The following DMTF1 variants were observed in gnomAD, a reference collection of about 807,000 sequenced individuals.
The protein encoded by DMTF1 is cyclin-D-binding Myb-like transcription factor 1.
Under a neutral mutation model 91.1 loss-of-function variants are expected in DMTF1, and 39 were observed. The observed-to-expected ratio is 0.43, with a 90% CI of 0.33 to 0.56. DMTF1 has a LOEUF of 0.56. Among genes scored for constraint, DMTF1 ranks in the 20% least tolerant of loss-of-function variants. The pLI is 0.05. For missense variants in DMTF1, 750 were observed against 914.5 expected, an observed-to-expected ratio of 0.82 and a Z score of 2.32; for synonymous variants, 338 against 309.5, an observed-to-expected ratio of 1.09 and a Z score of -0.97.
chr7:87,170,827 AG>A (rs1296077490), intron 4 of DMTF1, among the ~76,000 whole-genome samples, 167 bp from the exon 5 acceptor site: 2 of 152,248 alleles, frequency 1.3e-5, no homozygotes, highest in Admixed American at 1.3e-4. Flanking sequence ...ACTATGAATT[AG>A]GTGCACATTA....
intron 7 of DMTF1, among the ~76,000 whole-genome samples, chr7:87,175,544 C>A (rs1236432565): frequency 1.3e-5 from 2 of 152,092 alleles, no homozygotes; most frequent in South Asian, 4.1e-4. Context: ...TTTGGGCAGA[C>A]TGGAAACAGG....
At chr7:87,189,967 A>T (rs1799370064) in intron 13 of DMTF1, among the ~76,000 whole-genome samples, 1 of 152,134 alleles carries the variant, frequency 6.6e-6, no homozygotes, top group South Asian at 2.1e-4. Context: ...TGGTAAGGGC[A>T]TTAGATTCCT....
chr7:87,172,995 G>A (rs1228990224), intron 5 of DMTF1, among the ~76,000 whole-genome samples: 1 of 152,198 alleles, frequency 6.6e-6, no homozygotes, highest in African/African-American at 2.4e-5. Context: ...AGCGGACAGT[G>A]ATTTTGCAAT....
intron 7 of DMTF1, among the ~76,000 whole-genome samples, chr7:87,176,841 C>T (rs1334584505): frequency 6.6e-6 from 1 of 152,102 alleles, no homozygotes; most frequent in African/African-American, 2.4e-5. Context: ...TTTTAAACTT[C>T]AGAGAATTCG....
At chr7:87,175,678 T>C (rs187397426) in intron 7 of DMTF1, among the ~76,000 whole-genome samples, 1 of 152,282 alleles carries the variant, frequency 6.6e-6, no homozygotes, top group Admixed American at 6.5e-5. Context: ...TTGAGCTGTC[T>C]TAAAGGATAG....
Position 87,188,176 on chromosome 7 carries a change from C to G in DMTF1, c.1286C>G (p.Pro429Arg). 1 of 1,613,934 alleles carries G rather than the reference C, an allele frequency of 6.2e-7. No homozygotes were observed. Among genetic ancestry groups the G allele is most frequent in the Non-Finnish European group, 8.5e-7 (1 of 1,179,904 alleles). The change falls in exon 13 of 18, where the codon CCA becomes CGA. Residue 429 changes from proline (P) to arginine (R), a missense_variant. Pro to Arg is a moderately radical substitution (Grantham distance 103). Coordinates refer to ENST00000331242, the MANE Select transcript of DMTF1 (RefSeq NM_001142327.2). ...LLENKSGSGV[P>R]NSNTNSSVQH... Reference sequence around the variant, plus strand: ...GAGAATAAATCAGGATCTGGAGTTCCAAACAGTAATACCAATTCCAGTGTG... The same window carrying G: ...GAGAATAAATCAGGATCTGGAGTTCGAAACAGTAATACCAATTCCAGTGTG...
At chr7:87,194,512 G>A (rs760845163) in intron 16 of DMTF1, 172 bp from the exon 17 acceptor site, 1 of 506,936 alleles carries the variant, frequency 2.0e-6, no homozygotes, top group Non-Finnish European at 3.5e-6. Context: ...TTTGTTAAAA[G>A]TATGTTAGAT....
At position 87,194,705 on chromosome 7, in the gene DMTF1, G is replaced by A; in HGVS notation, c.2050G>A (p.Glu684Lys). 1 of 1,608,508 alleles carries A rather than the reference G, an allele frequency of 6.2e-7. No individual in the cohort carries two copies. The highest frequency in any genetic ancestry group is 8.5e-7 in the Non-Finnish European group (1 of 1,176,138). Reference protein sequence around the residue: ...VTEGLESPTIEEQVDQTIDDE... With the variant: ...VTEGLESPTIKEQVDQTIDDE... ...TTAGGGTTTAGAGTCTCCCACTATAGAAGAACAAGTTGATCAAACAATTGA... is the reference window on the plus strand; with the variant it reads ...TTAGGGTTTAGAGTCTCCCACTATAAAAGAACAAGTTGATCAAACAATTGA... Residue 684 changes from glutamate (E) to lysine (K), a missense_variant, in exon 17 of 18, where the codon GAA becomes AAA. By Grantham distance (56) the Glu-to-Lys change is moderately conservative. Transcript: ENST00000331242.
At chr7:87,184,693 T>C (rs1236728488) in intron 11 of DMTF1, 68 bp downstream of exon 11, 2 of 1,406,340 alleles carry the variant, frequency 1.4e-6, no homozygotes, top group African/African-American at 2.8e-5. Context: ...TAGACTTTCC[T>C]CTTTTGGTTT....
chr7:87,189,543 T>A (rs1367947469), intron 13 of DMTF1, among the ~76,000 whole-genome samples: 1 of 152,146 alleles, frequency 6.6e-6, no homozygotes, highest in Non-Finnish European at 1.5e-5. Context: ...GATACCTTAA[T>A]ATTGATAGCA....
intron 4 of DMTF1, among the ~76,000 whole-genome samples, chr7:87,169,934 A>G (rs1441321376): frequency 6.6e-6 from 1 of 152,174 alleles, no homozygotes; most frequent in Non-Finnish European, 1.5e-5. Flanking sequence ...GGTTTTAAAT[A>G]CTATCTGGTG....
chr7:87,169,002 G>A (rs538365059), intron 4 of DMTF1, among the ~76,000 whole-genome samples: 50 of 152,152 alleles, frequency 3.3e-4, no homozygotes, highest in African/African-American at 1.2e-3. Context: ...CCATATATTT[G>A]TTGTCCTATC....
chr7:87,168,418 T>G (rs1794311519), intron 4 of DMTF1, among the ~76,000 whole-genome samples: 2 of 152,208 alleles, frequency 1.3e-5, no homozygotes, highest in Admixed American at 1.3e-4. Flanking sequence ...CTTTCTGTTT[T>G]CCTACCGCTA....
At chr7:87,191,705 C>G (rs1799809181) in intron 14 of DMTF1, among the ~76,000 whole-genome samples, 1 of 151,996 alleles carries the variant, frequency 6.6e-6, no homozygotes, top group Non-Finnish European at 1.5e-5. Flanking sequence ...TACTGGGCTC[C>G]CATTTATTTG....
In DMTF1 at chr7:87,173,731, G is replaced by A. The variant is rs199802696; in HGVS notation, c.442+82G>A. 23 of 733,878 alleles carry A rather than the reference G, an allele frequency of 3.1e-5. No individual in the cohort carries two copies. In the East Asian group the frequency reaches 7.0e-4, roughly 22 times the overall value. The allele number at this position is 733,878 out of a possible 1,614,324, so 45.5% of individuals were successfully genotyped here. A position where few individuals can be genotyped will look rare whatever the true frequency, so the allele number is the denominator to read the frequency against. ...CTTATAGTCATCAGGATTCTGAGTTGGACCTTCATCACTGGGATTGAGCAG... is the reference window on the plus strand; with the variant it reads ...CTTATAGTCATCAGGATTCTGAGTTAGACCTTCATCACTGGGATTGAGCAG... On this transcript the variant is annotated intron_variant, in intron 6 of 17. Transcript: ENST00000331242.
rs181426698 is a variant in DMTF1 at position 87,186,388 on chromosome 7, C to T, written c.1201+408C>T. On this transcript the variant is annotated intron_variant, in intron 12 of 17. Coordinates refer to ENST00000331242, the MANE Select transcript of DMTF1 (RefSeq NM_001142327.2). Reference sequence around the variant, plus strand: ...TCCCACCTCAGCCTCCTGAATAGCTCGGACTACAGGCACACACCACCATGT... The same window carrying T: ...TCCCACCTCAGCCTCCTGAATAGCTTGGACTACAGGCACACACCACCATGT... 97 of 162,914 alleles carry T rather than the reference C, an allele frequency of 6.0e-4. 2 individuals carry two copies. Among genetic ancestry groups the T allele is most frequent in the Non-Finnish European group, 6.7e-5 (5 of 74,780 alleles). 10.1% of individuals were successfully genotyped at this position (162,914 alleles called of 1,614,324 possible).
intron 1 of DMTF1, among the ~76,000 whole-genome samples, chr7:87,153,262 C>A (rs188674034): frequency 1.0e-3 from 152 of 152,174 alleles, no homozygotes; most frequent in African/African-American, 3.5e-3. Context: ...TGGGCTGGGG[C>A]GCGGGGACAG....
chr7:87,194,875 A>C, intron 17 of DMTF1, 47 bp downstream of exon 17: 3 of 1,553,420 alleles, frequency 1.9e-6, no homozygotes, highest in South Asian at 2.4e-5. Flanking sequence ...TTTTAGATGG[A>C]AAAAAACAGA....
Position 87,194,122 on chromosome 7 carries a change from CA to C in DMTF1, c.2028+22del. 1 of 1,536,802 alleles carries C rather than the reference CA, an allele frequency of 6.5e-7. No homozygotes were observed. The highest frequency in any genetic ancestry group is 8.7e-7 in the Non-Finnish European group (1 of 1,145,290). The stretch of plus-strand genomic sequence containing the variant: ...ACTGAGGTAAGTTGTACTTTAAGAA[CA>C]ACTGAATGGATTCTTGCCTTGAGCC... On this transcript the variant is annotated intron_variant, in intron 16 of 17. Transcript: ENST00000331242.
Sources: allele counts gnomAD v4.1 joint callset (sites outside exome capture counted in the v4.1 genomes callset), GRCh38; gene constraint gnomAD v4.1.1; transcripts MANE v1.5; gene names NCBI Gene and HGNC (gene_info 2026-07-23, HGNC 2026-07-21).